Variants in ZNF142 observed in about 807,000 individuals in gnomAD.
The protein encoded by ZNF142 is zinc finger protein 142 (clone pHZ-49).
ZNF142 carries 96 observed loss-of-function variants against 132.1 expected under a neutral mutation model. The observed-to-expected ratio is 0.73, with a 90% CI of 0.62 to 0.86. ZNF142 has a LOEUF of 0.86. Among genes scored for constraint, ZNF142 ranks in the 40% least tolerant of loss-of-function variants. ZNF142 has a pLI of 0.00. For missense variants in ZNF142, 2,163 were observed against 2,336.2 expected (o/e 0.93, Z 1.53); for synonymous variants, 842 against 890.1 (o/e 0.95, Z 0.96).
chr2:218,638,446 C>G lies in ZNF142; in HGVS notation c.5557G>C (p.Gly1853Arg), dbSNP rs1186571948. The G allele has an allele frequency of 1.9e-6, 3 of 1,576,894 alleles. No homozygotes were observed. In the Admixed American group the frequency reaches 5.2e-5, roughly 27 times the overall value. ...HHPDQADPNQ[G>R]VGKDPTTPTV... is the part of the protein sequence containing the mutation. ...GGGGTGGTGGGGTCTTTGCCCACAC[C>G]CTGGTTTGGGTCGGCTTGGTCAGGG... The change falls in exon 11 of 11, where the codon GGT (glycine) becomes CGT (arginine). Residue 1853 changes from glycine (G) to arginine (R), a missense_variant. Coordinates refer to ENST00000411696, the MANE Select transcript of ZNF142 (RefSeq NM_001379659.1).
Position 218,656,153 on chromosome 2 carries a change from G to C in ZNF142, c.277C>G (p.Pro93Ala). 6.4e-7 allele frequency: 1 copy of C among 1,566,796 alleles called. No homozygotes were observed. Residue 93 changes from proline to alanine, a missense_variant, in exon 4 of 11, where the codon CCA (proline) becomes GCA (alanine). Pro to Ala is a conservative substitution (Grantham distance 27). Coordinates refer to ENST00000411696, the MANE Select transcript of ZNF142 (RefSeq NM_001379659.1). The stretch of plus-strand genomic sequence containing the variant: ...CTGCTTGCAACTGTGTTTGTACCTG[G>C]GGTCTCTCCAGGAGCACCTGGGGTC... ...TLTPGAPGET[P>A]GVLVKVVEVY...
In ZNF142 at chr2:218,643,428, A is replaced by G; in HGVS notation, c.3688T>C (p.Ser1230Pro). 6.2e-7 allele frequency: 1 copy of G among 1,614,204 alleles called. No homozygotes were observed. The highest frequency in any genetic ancestry group is 8.5e-7 in the Non-Finnish European group (1 of 1,180,032). The change falls in exon 9 of 11, where the codon TCC (serine) becomes CCC (proline). Residue 1230 changes from serine (S) to proline (P), a missense_variant. By Grantham distance (74) the Ser-to-Pro change is moderately conservative. Coordinates refer to ENST00000411696, the MANE Select transcript of ZNF142 (RefSeq NM_001379659.1). ...RFEQGKFHCN[S>P]CPFLCSRLSS... ...AGCCGGGAACAAAGGAATGGGCAGG[A>G]GTTGCAGTGAAACTTGCCCTGCTCA...
At chr2:218,638,900 CA>C in intron 10 of ZNF142, 92 bp from the exon 11 acceptor site, 1 of 1,013,030 alleles carries the variant, frequency 9.9e-7, no homozygotes, top group South Asian at 1.7e-5. Flanking sequence ...ATAAAGAATG[CA>C]AGCAGCAAGT....
chr2:218,636,403 C>G lies in ZNF142; in HGVS notation c.*1936G>C. ...CCTGCATGCAACAAGGTGAGCCAGC[C>G]CCTTTGGCCCCTGGCCAATACCCCA... On this transcript the variant is annotated 3_prime_UTR_variant, in exon 11 of 11. Transcript: ENST00000411696. 6.2e-7 allele frequency: 1 copy of G among 1,613,990 alleles called. No homozygotes were observed. Among genetic ancestry groups the G allele is most frequent in the Non-Finnish European group, 8.5e-7 (1 of 1,179,888 alleles).
Position 218,633,904 on chromosome 2 carries a change from G to A in ZNF142, c.*4435C>T. 1 of 1,233,982 alleles carries A rather than the reference G, an allele frequency of 8.1e-7. No homozygotes were observed. Among genetic ancestry groups the A allele is most frequent in the Admixed American group, 2.1e-5 (1 of 48,222 alleles). 76.4% of individuals were successfully genotyped at this position (1,233,982 alleles called of 1,614,324 possible). ...CAGAAACTCCTTAGAGCAGACAAGG[G>A]CAGAGGAGTTATGAATAGTGGCTCA... On this transcript the variant is annotated 3_prime_UTR_variant, in exon 11 of 11. Transcript: ENST00000411696.
rs1696846959 is a variant in ZNF142 at position 218,637,850 on chromosome 2, T to C, written c.*489A>G. 1 of 152,558 alleles carries C rather than the reference T, an allele frequency of 6.6e-6. No homozygotes were observed. The highest frequency in any genetic ancestry group is 2.1e-4 in the South Asian group (1 of 4,840). 9.5% of individuals were successfully genotyped at this position (152,558 alleles called of 1,614,324 possible). A position where few individuals can be genotyped will look rare whatever the true frequency, so the allele number is the denominator to read the frequency against. On this transcript the variant is annotated 3_prime_UTR_variant, in exon 11 of 11. Coordinates refer to ENST00000411696, the MANE Select transcript of ZNF142 (RefSeq NM_001379659.1). Reference sequence around the variant, plus strand: ...GCAGAGGTCTGAGAGGGGACAGAGTTGATCAAGATGACAGCCTGGAAATGT... The same window carrying C: ...GCAGAGGTCTGAGAGGGGACAGAGTCGATCAAGATGACAGCCTGGAAATGT...
rs1252850065 is a variant in ZNF142, at chr2:218,646,222, T to C, written c.2000A>G (p.Lys667Arg). The C allele has an allele frequency of 3.7e-6, 6 of 1,614,072 alleles. No homozygotes were observed. The Admixed American group carries it at 5.0e-5, about 13-fold the overall frequency. Residue 667 changes from lysine to arginine, a missense_variant, in exon 8 of 11, where the codon AAG becomes AGG. Physicochemically the swap from Lys to Arg is conservative, Grantham distance 26. Coordinates refer to ENST00000411696, the MANE Select transcript of ZNF142 (RefSeq NM_001379659.1). Reference sequence around the variant, plus strand: ...GTGCACACGGAGGTAGTGCTTCCACTTGGTGACATAGCCACATTCAGTGCA... The same window carrying C: ...GTGCACACGGAGGTAGTGCTTCCACCTGGTGACATAGCCACATTCAGTGCA... ...YMCTECGYVT[K>R]WKHYLRVHMR...
chr2:218,654,850 C>CG lies in ZNF142; in HGVS notation c.280+1299dup, dbSNP rs1938341813. ...CTGTAATCCCAAAACTTTAGGAGGC[C>CG]GAGGTGGGAAGATTGCTTGAGCCCA... On this transcript the variant is annotated intron_variant, in intron 4 of 10. Transcript: ENST00000411696. 2.0e-5 allele frequency among the ~76,000 whole-genome samples: 3 copies of CG among 151,938 alleles called. No homozygotes were observed. The South Asian group carries it at 6.3e-4, about 32-fold the overall frequency.
chr2:218,655,206 T>C (rs1938372350), intron 4 of ZNF142, among the ~76,000 whole-genome samples: 2 of 152,240 alleles, frequency 1.3e-5, no homozygotes, highest in Non-Finnish European at 1.5e-5. Context: ...TTCTTACATA[T>C]TGCGAATGTT....
chr2:218,650,109 A>G (rs1937840928), intron 6 of ZNF142, among the ~76,000 whole-genome samples: 1 of 152,234 alleles, frequency 6.6e-6, no homozygotes, highest in African/African-American at 2.4e-5. Context: ...CTTCCCTGCT[A>G]GAGTTTTCTG....
intron 2 of ZNF142, 47 bp downstream of exon 2, chr2:218,658,933 C>T (rs989527756): frequency 3.3e-5 from 5 of 152,324 alleles, no homozygotes; most frequent in Non-Finnish European, 5.9e-5. Context: ...AACAACGGGC[C>T]CCGGCCTAGC....
rs774571444 is a variant in ZNF142 at position 218,649,006 on chromosome 2, T to C, written c.1502A>G (p.Lys501Arg). The C allele has an allele frequency of 4.3e-6, 7 of 1,612,358 alleles. No homozygotes were observed. Among genetic ancestry groups the C allele is most frequent in the Non-Finnish European group, 5.9e-6 (7 of 1,180,022 alleles). ...EGCSYAAPDRKAFIKHLKETH... is the reference protein window; with the variant it reads ...EGCSYAAPDRRAFIKHLKETH... ...CTCCTTCAGGTGCTTAATGAAGGCC[T>C]TGCGGTCGGGTGCTGCATAGCTGCA... Residue 501 changes from lysine (K) to arginine (R), a missense_variant, in exon 7 of 11, where the codon AAG (lysine) becomes AGG (arginine). By Grantham distance (26) the Lys-to-Arg change is conservative. Around this residue, in one of 7 missense-constraint regions of ZNF142, gnomAD observed 749 missense variants for 830.3 expected, o/e 0.90. Coordinates refer to ENST00000411696, the MANE Select transcript of ZNF142 (RefSeq NM_001379659.1).
At chr2:218,651,632 C>T (rs1277690583) in intron 5 of ZNF142, 69 bp downstream of exon 5, 1 of 1,201,892 alleles carries the variant, frequency 8.3e-7, no homozygotes, top group African/African-American at 1.6e-5. Flanking sequence ...TTGGAAACAA[C>T]TGCCTCTCCT....
chr2:218,642,494 G>A lies in ZNF142; in HGVS notation c.4622C>T (p.Ala1541Val), dbSNP rs201080085. ...SRCGLLCPSP[A>V]SLRGHTRKQH... ...TTTACGGGTGTGTCCTCGTAAGCTG[G>A]CAGGGCTGGGGCACAGCAACCCACA... is the stretch of plus-strand genomic sequence containing the variant. The change falls in exon 9 of 11, where the codon GCC (alanine) becomes GTC (valine). Residue 1541 changes from alanine to valine, a missense_variant. Ala to Val is a moderately conservative substitution (Grantham distance 64, BLOSUM62 0). This residue lies in a region of ZNF142 where 809 missense variants were observed against 801.7 expected (regional missense o/e 1.01). Coordinates refer to ENST00000411696, the MANE Select transcript of ZNF142 (RefSeq NM_001379659.1). The surrounding 1 kb of genome is among the most constrained non-coding windows in gnomAD (Gnocchi z 4.6). 1.8e-5 allele frequency: 29 copies of A among 1,607,600 alleles called. No homozygotes were observed. The African/African-American group carries it at 3.5e-4, about 19-fold the overall frequency.
intron 4 of ZNF142, among the ~76,000 whole-genome samples, chr2:218,653,559 G>A (rs1198709009): frequency 1.4e-5 from 2 of 140,538 alleles, no homozygotes; most frequent in Admixed American, 7.3e-5. Flanking sequence ...TGGGTGACAA[G>A]AGTGAAACTC....
At position 218,633,400 on chromosome 2, in the gene ZNF142, G is replaced by A. The variant is rs1424228107; in HGVS notation, c.*4939C>T. ...CCCACCCCCAGGTTGTGACGTGCCC[G>A]CTGTTTTGTCCGTCTATCTGTTGTC... On this transcript the variant is annotated 3_prime_UTR_variant, in exon 11 of 11. Coordinates refer to ENST00000411696, the MANE Select transcript of ZNF142 (RefSeq NM_001379659.1). 9.8e-6 allele frequency: 7 copies of A among 717,482 alleles called. No individual in the cohort carries two copies. The highest frequency in any genetic ancestry group is 1.5e-5 in the South Asian group (1 of 67,822). 44.4% of individuals were successfully genotyped at this position (717,482 alleles called of 1,614,324 possible).
chr2:218,652,930 T>A (rs897669664), intron 4 of ZNF142, among the ~76,000 whole-genome samples: 1 of 152,034 alleles, frequency 6.6e-6, no homozygotes, highest in African/African-American at 2.4e-5. Flanking sequence ...GCCAGGTTTG[T>A]CCTACATTTA....
In ZNF142 at chr2:218,644,805, G is replaced by A. The variant is rs762978047; in HGVS notation, c.2311C>T (p.Arg771Cys). Residue 771 changes from arginine to cysteine, a missense_variant, in exon 9 of 11, where the codon CGT becomes TGT. Physicochemically the swap from Arg to Cys is radical, Grantham distance 180 (BLOSUM62 -3). Around this residue, in one of 7 missense-constraint regions of ZNF142, gnomAD observed 749 missense variants for 830.3 expected, o/e 0.90. Coordinates refer to ENST00000411696, the MANE Select transcript of ZNF142 (RefSeq NM_001379659.1). This position sits in a 1 kb window ranked among gnomAD's most constrained non-coding sequence, Gnocchi z 4.6. ...SHENCKHTRLREFHCALCDYR... is the reference protein window; with the variant it reads ...SHENCKHTRLCEFHCALCDYR... ...TCACAGAGGGCACAGTGGAACTCACGGAGGCGGGTATGCTTGCAGTTCTCA... is the reference window on the plus strand; with the variant it reads ...TCACAGAGGGCACAGTGGAACTCACAGAGGCGGGTATGCTTGCAGTTCTCA... The A allele has an allele frequency of 2.3e-5, 37 of 1,614,132 alleles. No individual in the cohort carries two copies. Among genetic ancestry groups the A allele is most frequent in the Non-Finnish European group, 3.1e-5 (36 of 1,180,052 alleles).
chr2:218,647,069 A>T (rs1697791484), intron 7 of ZNF142, among the ~76,000 whole-genome samples: 1 of 152,194 alleles, frequency 6.6e-6, no homozygotes, highest in African/African-American at 2.4e-5. Flanking sequence ...AAATATTAAC[A>T]GCCAACATGA....
Sources: gnomAD v4.1 joint callset for allele counts (sites outside exome capture counted in the v4.1 genomes callset) on GRCh38, gnomAD v4.1.1 for gene constraint, gnomAD v4.1.1 regional missense constraint, Gnocchi (gnomAD v3.1) non-coding constraint, MANE v1.5 for transcripts, NCBI Gene and HGNC (gene_info 2026-07-23, HGNC 2026-07-21) for gene names.